SKAP2: variants seen among roughly 807,000 people sequenced by gnomAD.
SKAP2 encodes the protein src kinase-associated phosphoprotein 2.
In SKAP2, 28 loss-of-function variants were observed where a neutral mutation model predicts 54.9. That is an observed-to-expected ratio of 0.51 (90% confidence interval 0.38 to 0.70). The LOEUF is 0.70. Ranked by LOEUF, SKAP2 falls within the 30% of genes least tolerant of loss-of-function variation. SKAP2 has a pLI of 0.00. For synonymous variants in SKAP2, 137 were observed against 134.3 expected, an observed-to-expected ratio of 1.02 and a Z score of -0.14; for missense variants, 356 against 424.1, an observed-to-expected ratio of 0.84 and a Z score of 1.41.
chr7:26,787,268 G>T (rs1783569666), intron 4 of SKAP2, among the ~76,000 whole-genome samples: 2 of 151,922 alleles, frequency 1.3e-5, no homozygotes, highest in Admixed American at 6.6e-5. Context: ...GGTTCCGCAG[G>T]CTGTGCAAGT....
chr7:26,809,122 A>G (rs1784085697), intron 4 of SKAP2, among the ~76,000 whole-genome samples: 1 of 152,160 alleles, frequency 6.6e-6, no homozygotes, highest in South Asian at 2.1e-4. Context: ...ACTCAATAAA[A>G]AAGTGGTCTG....
At chr7:26,749,475 G>T (rs1468062739) in intron 4 of SKAP2, among the ~76,000 whole-genome samples, 2 of 152,026 alleles carry the variant, frequency 1.3e-5, no homozygotes, top group African/African-American at 4.8e-5. Context: ...TCGGCTGGGG[G>T]TAGTGATTCA....
intron 11 of SKAP2, among the ~76,000 whole-genome samples, chr7:26,670,539 G>T (rs556918232): frequency 1.3e-5 from 2 of 151,890 alleles, no homozygotes; most frequent in Non-Finnish European, 2.9e-5. Flanking sequence ...GGCTATAGAA[G>T]GTTAAAGCCA....
chr7:26,856,383 T>C (rs1413122438), intron 1 of SKAP2, among the ~76,000 whole-genome samples: 2 of 151,718 alleles, frequency 1.3e-5, no homozygotes, highest in African/African-American at 4.9e-5. Context: ...TGAGTTATAT[T>C]AACAACTAAT....
Position 26,741,580 on chromosome 7 carries a change from T to A in SKAP2, c.308-1616A>T, listed in dbSNP as rs10266710. On this transcript the variant is annotated intron_variant, in intron 4 of 12. Coordinates refer to ENST00000345317, the MANE Select transcript of SKAP2 (RefSeq NM_003930.5). ...TAAATAAATAAATAAATAAATAAAT[T>A]AATAAAATGAAATAACTAAACAAAT... 6.3e-3 allele frequency among the ~76,000 whole-genome samples: 102 copies of A among 16,184 alleles called. 2 individuals are homozygous for A. The highest frequency in any genetic ancestry group is 0.018 in the South Asian group (7 of 386). The allele number at this position is 16,184 out of a possible 152,430, so 10.6% of individuals were successfully genotyped here. A position where few individuals can be genotyped will look rare whatever the true frequency, so the allele number is the denominator to read the frequency against.
At chr7:26,735,982 G>T (rs1787924167) in intron 6 of SKAP2, among the ~76,000 whole-genome samples, 2 of 152,168 alleles carry the variant, frequency 1.3e-5, no homozygotes, top group Non-Finnish European at 1.5e-5. Flanking sequence ...GAAACAGGAG[G>T]CTGCAAAGTA....
chr7:26,775,080 T>C (rs74401080), intron 4 of SKAP2, among the ~76,000 whole-genome samples: 8 of 152,318 alleles, frequency 5.3e-5, no homozygotes, highest in Non-Finnish European at 8.8e-5. Context: ...TTAAGAGATT[T>C]ACATGCACAC....
At chr7:26,655,139 T>G in the SKAP2 span, among the ~76,000 whole-genome samples, 1 of 152,200 alleles carries the variant, frequency 6.6e-6, no homozygotes, top group Admixed American at 6.5e-5. Context: ...TCTTACAGGA[T>G]TCCATAACTC....
chr7:26,670,074 G>C lies in SKAP2; in HGVS notation c.*9+17C>G. ...ACATATGAGCTATTACAGAATATTG[G>C]ATTAAAATGTACTTACCCAGGACTC... On this transcript the variant is annotated intron_variant, in intron 12 of 12. Transcript: ENST00000345317. The C allele has an allele frequency of 1.0e-6, 1 of 1,003,598 alleles. No homozygotes were observed. The highest frequency in any genetic ancestry group is 1.3e-5 in the South Asian group (1 of 78,572). The allele number at this position is 1,003,598 out of a possible 1,614,324, so 62.2% of individuals were successfully genotyped here. A position where few individuals can be genotyped will look rare whatever the true frequency, so the allele number is the denominator to read the frequency against.
At chr7:26,683,824 C>T (rs1387141352) in intron 11 of SKAP2, among the ~76,000 whole-genome samples, 4 of 152,094 alleles carry the variant, frequency 2.6e-5, no homozygotes, top group African/African-American at 9.7e-5. Context: ...ACAAGTCATA[C>T]TATCTCTCTG....
At chr7:26,664,830 A>G (rs533818592), downstream of SKAP2, among the ~76,000 whole-genome samples, 40 of 151,816 alleles carry the variant, frequency 2.6e-4, no homozygotes, top group Non-Finnish European at 1.2e-4. Context: ...AGCAGTTTCT[A>G]TATTCACGCC....
chr7:26,830,574 T>C (rs1327759636), intron 4 of SKAP2, among the ~76,000 whole-genome samples: 1 of 152,178 alleles, frequency 6.6e-6, no homozygotes, highest in Non-Finnish European at 1.5e-5. Context: ...TGCTTAAGTC[T>C]TACCCTCAAT....
intron 4 of SKAP2, among the ~76,000 whole-genome samples, chr7:26,758,103 G>GT (rs1159101760): frequency 6.6e-6 from 1 of 151,980 alleles, no homozygotes; most frequent in Non-Finnish European, 1.5e-5. Context: ...CTGGTTCCAT[G>GT]TTTTTTCTAG....
At chr7:26,745,928 C>T (rs1243170991) in intron 4 of SKAP2, among the ~76,000 whole-genome samples, 1 of 152,186 alleles carries the variant, frequency 6.6e-6, no homozygotes, top group Non-Finnish European at 1.5e-5. Flanking sequence ...GAAGGTGATA[C>T]TCTCACCTAT....
intron 4 of SKAP2, among the ~76,000 whole-genome samples, chr7:26,824,526 T>G (rs928364793): frequency 6.6e-6 from 1 of 151,990 alleles, no homozygotes; most frequent in African/African-American, 2.4e-5. Flanking sequence ...TAGGCCAAAT[T>G]TGTAACTTGG....
intron 1 of SKAP2, among the ~76,000 whole-genome samples, chr7:26,862,010 A>C (rs1263324345): frequency 6.6e-6 from 1 of 151,988 alleles, no homozygotes; most frequent in East Asian, 1.9e-4. Flanking sequence ...TTCTAAGAGC[A>C]CTCAACTGTT....
intron 4 of SKAP2, among the ~76,000 whole-genome samples, chr7:26,821,109 A>C (rs1476228746): frequency 1.1e-5 from 1 of 94,376 alleles, no homozygotes; most frequent in Non-Finnish European, 2.5e-5. Flanking sequence ...GATGAAACAT[A>C]AGAGTTTATC....
intron 1 of SKAP2, among the ~76,000 whole-genome samples, chr7:26,856,233 A>C (rs1444272518): frequency 6.6e-6 from 1 of 152,184 alleles, no homozygotes; most frequent in Non-Finnish European, 1.5e-5. Context: ...TTAACGACTA[A>C]TGTGTTAAAA....
At chr7:26,657,362 A>C in the SKAP2 span, among the ~76,000 whole-genome samples, 2 of 152,180 alleles carry the variant, frequency 1.3e-5, no homozygotes, top group African/African-American at 4.8e-5. Context: ...TTGGAACTCC[A>C]GTGTTTCCAA....
Sources: gnomAD v4.1 joint callset for allele counts (sites outside exome capture counted in the v4.1 genomes callset) on GRCh38, gnomAD v4.1.1 for gene constraint, MANE v1.5 for transcripts, NCBI Gene and HGNC (gene_info 2026-07-23, HGNC 2026-07-21) for gene names.